PRKD1: variants seen among roughly 807,000 people sequenced by gnomAD.
The protein encoded by PRKD1 is protein kinase D1.
PRKD1 carries 63 observed loss-of-function variants against 95.9 expected under a neutral mutation model. That is an observed-to-expected ratio of 0.66 (90% CI 0.54 to 0.81). PRKD1 has a LOEUF of 0.81. Ranked by LOEUF, PRKD1 falls within the 30% of genes least tolerant of loss-of-function variation. The pLI, the probability that PRKD1 is intolerant of heterozygous loss-of-function variation, is 0.00. For missense variants in PRKD1, 1,048 were observed against 1,165.3 expected (o/e 0.90, Z 1.47); for synonymous variants, 425 against 423.1 (o/e 1.00, Z -0.05).
Position 29,643,006 on chromosome 14 carries a change from G to A in PRKD1, c.697-4102C>T, listed in dbSNP as rs538732144. On this transcript the variant is annotated intron_variant, in intron 4 of 17. Transcript: ENST00000331968. Reference sequence around the variant, plus strand: ...CATTAATATGTTCAGAGAAAAAAATGGCTCAAAACTTAAAGAGCACATTTA... The same window carrying A: ...CATTAATATGTTCAGAGAAAAAAATAGCTCAAAACTTAAAGAGCACATTTA... Among the ~76,000 whole-genome samples, 13 of 151,862 alleles carry A rather than the reference G, an allele frequency of 8.6e-5. 1 individual carries two copies. The highest frequency in any genetic ancestry group is 7.2e-4 in the Admixed American group (11 of 15,252).
intron 1 of PRKD1, among the ~76,000 whole-genome samples, chr14:29,868,784 A>C (rs1347812130): frequency 6.6e-6 from 1 of 152,216 alleles, no homozygotes. Context: ...TTTTCATGGA[A>C]CAATGAAACA....
intron 1 of PRKD1, among the ~76,000 whole-genome samples, chr14:29,795,944 A>G (rs1194988909): frequency 6.6e-6 from 1 of 152,150 alleles, no homozygotes; most frequent in African/African-American, 2.4e-5. Context: ...TACTAAGATC[A>G]CTTTAAATGT....
intron 1 of PRKD1, among the ~76,000 whole-genome samples, chr14:29,784,006 G>A (rs866262138): frequency 2.6e-4 from 39 of 151,886 alleles, no homozygotes; most frequent in African/African-American, 8.7e-4. Context: ...TGTTTTTGTT[G>A]GCTGTGCTTT....
At chr14:29,829,913 G>T (rs765458200) in intron 1 of PRKD1, among the ~76,000 whole-genome samples, 1 of 152,124 alleles carries the variant, frequency 6.6e-6, no homozygotes, top group Non-Finnish European at 1.5e-5. Context: ...TACGCTGACA[G>T]ATTTCATAGA....
chr14:29,870,417 G>T (rs1026522922), intron 1 of PRKD1, among the ~76,000 whole-genome samples: 1 of 152,142 alleles, frequency 6.6e-6, no homozygotes, highest in Non-Finnish European at 1.5e-5. Flanking sequence ...ATTATGGCTT[G>T]ATTTGCCTTG....
At chr14:29,809,280 G>A (rs1890379273) in intron 1 of PRKD1, among the ~76,000 whole-genome samples, 1 of 152,162 alleles carries the variant, frequency 6.6e-6, no homozygotes, top group African/African-American at 2.4e-5. Context: ...AAGGCCCCAG[G>A]ATTTTCAGAA....
rs577050534 is a variant in PRKD1 at position 29,663,924 on chromosome 14, T to C, written c.536-65A>G. 21 of 1,484,196 alleles carry C rather than the reference T, an allele frequency of 1.4e-5. No individual in the cohort carries two copies. The African/African-American group carries it at 3.0e-4, about 21-fold the overall frequency. 91.9% of individuals were successfully genotyped at this position (1,484,196 alleles called of 1,614,324 possible). ...AATTAAAAAGTGATTCCAATATTAG[T>C]GTAAAGTAGAAATTTAAAAAATAGT... On this transcript the variant is annotated intron_variant, in intron 3 of 17. Transcript: ENST00000331968.
chr14:29,693,791 C>T (rs1013564758), intron 2 of PRKD1, among the ~76,000 whole-genome samples: 1 of 152,074 alleles, frequency 6.6e-6, no homozygotes, highest in Non-Finnish European at 1.5e-5. Context: ...ATCCAACCTC[C>T]CAACATTATC....
intron 4 of PRKD1, among the ~76,000 whole-genome samples, chr14:29,663,072 T>A (rs1284837151): frequency 6.9e-6 from 1 of 145,582 alleles, no homozygotes; most frequent in East Asian, 2.0e-4. Context: ...TTATATATAA[T>A]ATATATAAAA....
At chr14:29,759,207 C>T (rs759202103) in intron 1 of PRKD1, among the ~76,000 whole-genome samples, 1 of 150,972 alleles carries the variant, frequency 6.6e-6, no homozygotes, top group Non-Finnish European at 1.5e-5. Flanking sequence ...GGTGCATAGG[C>T]AGTGAGTGCT....
intron 1 of PRKD1, among the ~76,000 whole-genome samples, chr14:29,772,542 ATTTC>A (rs1397211958): frequency 6.6e-6 from 1 of 152,098 alleles, no homozygotes; most frequent in Admixed American, 6.5e-5. Context: ...TATATTTTAT[ATTTC>A]TTTATGTGTA....
chr14:29,788,251 T>C (rs771961663), intron 1 of PRKD1, among the ~76,000 whole-genome samples: 2 of 152,212 alleles, frequency 1.3e-5, no homozygotes, highest in Non-Finnish European at 2.9e-5. Context: ...CTCATTCTCT[T>C]TCACTTGTAA....
chr14:29,788,511 T>G (rs180934635), intron 1 of PRKD1, among the ~76,000 whole-genome samples: 378 of 152,336 alleles, frequency 2.5e-3, no homozygotes, highest in Middle Eastern at 0.01. Context: ...AGGTTTTCTA[T>G]GCATTTGGCC....
chr14:29,586,942 G>T (rs1892954597), intron 16 of PRKD1, among the ~76,000 whole-genome samples: 1 of 152,092 alleles, frequency 6.6e-6, no homozygotes, highest in Non-Finnish European at 1.5e-5. Flanking sequence ...CTCTTAATTA[G>T]ACTCATTGAC....
chr14:29,586,726 C>G (rs1050896892), intron 16 of PRKD1, among the ~76,000 whole-genome samples: 2 of 152,130 alleles, frequency 1.3e-5, no homozygotes, highest in African/African-American at 4.8e-5. Context: ...ACCGCAATCT[C>G]TGCCTCCAGG....
At chr14:29,803,979 C>T (rs1890132407) in intron 1 of PRKD1, among the ~76,000 whole-genome samples, 1 of 152,212 alleles carries the variant, frequency 6.6e-6, no homozygotes, top group South Asian at 2.1e-4. Flanking sequence ...CAGTGGCTCA[C>T]ACCTGTAATC....
chr14:29,629,138 A>C (rs780125393), intron 10 of PRKD1, 45 bp from the exon 11 acceptor site: 1 of 1,530,360 alleles, frequency 6.5e-7, no homozygotes, highest in East Asian at 2.3e-5. Flanking sequence ...AGTCAGTAAG[A>C]GATGTAATAG....
At chr14:29,848,866 G>T (rs541698038) in intron 1 of PRKD1, among the ~76,000 whole-genome samples, 67 of 152,324 alleles carry the variant, frequency 4.4e-4, no homozygotes, top group African/African-American at 1.5e-3. Context: ...CAAAGGATCA[G>T]TGAAACCAAA....
chr14:29,881,381 C>G (rs1330825699), intron 1 of PRKD1, among the ~76,000 whole-genome samples: 1 of 152,096 alleles, frequency 6.6e-6, no homozygotes, highest in Non-Finnish European at 1.5e-5. Context: ...GATTCTGAGG[C>G]CTCCCAGCCT....
Sources: gnomAD v4.1 joint callset for allele counts (sites outside exome capture counted in the v4.1 genomes callset) on GRCh38, gnomAD v4.1.1 for gene constraint, MANE v1.5 for transcripts, NCBI Gene and HGNC (gene_info 2026-07-23, HGNC 2026-07-21) for gene names.